The following NCOA7 variants were observed in gnomAD, a reference collection of about 807,000 sequenced individuals.
NCOA7 encodes the protein 140 kDa estrogen receptor-associated protein.
NCOA7 carries 45 observed loss-of-function variants against 104.3 expected under a neutral mutation model. The ratio of observed to expected loss-of-function variants is 0.43; its 90% CI spans 0.34 to 0.55. The LOEUF is 0.55. Among genes scored for constraint, NCOA7 ranks in the 20% least tolerant of loss-of-function variants. NCOA7 has a pLI of 0.02. For missense variants in NCOA7, 1,041 were observed against 1,119.7 expected (o/e 0.93, Z 1.00); for synonymous variants, 398 against 402.3 (o/e 0.99, Z 0.13).
intron 12 of NCOA7, among the ~76,000 whole-genome samples, chr6:125,922,430 A>G (rs1787664201): frequency 6.6e-6 from 1 of 152,220 alleles, no homozygotes; most frequent in Admixed American, 6.5e-5. Flanking sequence ...CTTCAAATAT[A>G]TAGCAGGATA....
intron 3 of NCOA7, among the ~76,000 whole-genome samples, chr6:125,865,703 G>T (rs1782392121): frequency 7.3e-6 from 1 of 136,666 alleles, no homozygotes; most frequent in Non-Finnish European, 1.6e-5. Context: ...TCTCTCTGTT[G>T]TCCAGGCTGG....
intron 2 of NCOA7, among the ~76,000 whole-genome samples, chr6:125,849,515 G>C (rs1160880556): frequency 1.3e-5 from 2 of 152,088 alleles, no homozygotes; most frequent in Admixed American, 1.3e-4. Context: ...TCTTATGTTA[G>C]CATTGCATTT....
In NCOA7 at chr6:125,889,120, G is replaced by A. The variant is rs1300315325; in HGVS notation, c.1066G>A (p.Gly356Arg). The part of the protein sequence containing the change: ...RPIVPLEKST[G>R]HTPTKPSGSS... ...AATAGTACCTTTGGAGAAGTCCACA[G>A]GACATACACCTACAAAGCCCTCAGG... The change falls in exon 9 of 16, where the codon GGA (glycine) becomes AGA (arginine). Residue 356 changes from glycine to arginine, a missense_variant. By Grantham distance (125) the Gly-to-Arg change is moderately radical. Coordinates refer to ENST00000392477, the MANE Select transcript of NCOA7 (RefSeq NM_181782.5). The A allele has an allele frequency of 3.1e-6, 5 of 1,614,096 alleles. No homozygotes were observed. Among genetic ancestry groups the A allele is most frequent in the South Asian group, 1.1e-5 (1 of 91,082 alleles).
intron 2 of NCOA7, among the ~76,000 whole-genome samples, chr6:125,836,564 G>T (rs1170476505): frequency 6.6e-6 from 1 of 152,046 alleles, no homozygotes; most frequent in African/African-American, 2.4e-5. Flanking sequence ...CTTCAAAACC[G>T]CCTTTAACTC....
At chr6:125,901,169 C>G (rs1166664480) in intron 10 of NCOA7, among the ~76,000 whole-genome samples, 1 of 152,174 alleles carries the variant, frequency 6.6e-6, no homozygotes, top group Non-Finnish European at 1.5e-5. Context: ...TTTACATGTC[C>G]TCTTTCAGTA....
rs1784156420 is a variant in NCOA7, at chr6:125,885,231, G to A, written c.772G>A (p.Val258Ile). The A allele has an allele frequency of 1.2e-6, 2 of 1,614,000 alleles. No homozygotes were observed. The highest frequency in any genetic ancestry group is 1.7e-6 in the Non-Finnish European group (2 of 1,179,936). The change falls in exon 8 of 16, where the codon GTT (valine) becomes ATT (isoleucine). Residue 258 changes from valine (V) to isoleucine (I), a missense_variant. This residue lies in a region of NCOA7 where 914 missense variants were observed against 942.7 expected (regional missense o/e 0.97). Transcript: ENST00000392477. ...MFDPHKSDPL[V>I]IENGCEEYGL... is the part of the protein sequence containing the mutation. ...TGACCCTCATAAATCTGATCCTCTG[G>A]TTATTGAAAATGGGTGTGAGGAGTA... is the stretch of plus-strand genomic sequence containing the variant.
intron 3 of NCOA7, among the ~76,000 whole-genome samples, chr6:125,871,397 CCCAG>C (rs1782887778): frequency 6.6e-6 from 1 of 152,226 alleles, no homozygotes; most frequent in East Asian, 1.9e-4. Flanking sequence ...TGCTGCAGCA[CCCAG>C]TCCCAGACAC....
rs1788438745 is a variant in NCOA7 at position 125,931,049 on chromosome 6, T to G, written c.*2278T>G. On this transcript the variant is annotated 3_prime_UTR_variant, in exon 16 of 16. Transcript: ENST00000392477. Reference sequence around the variant, plus strand: ...ATGTGTGACCCTTCATTTATGGATATTGACTATATGTAATGCAGTGCTATC... The same window carrying G: ...ATGTGTGACCCTTCATTTATGGATAGTGACTATATGTAATGCAGTGCTATC... 6.5e-6 allele frequency: 1 copy of G among 152,684 alleles called. No homozygotes were observed. Among genetic ancestry groups the G allele is most frequent in the Non-Finnish European group, 1.5e-5 (1 of 68,034 alleles). The allele number at this position is 152,684 out of a possible 1,614,324, so 9.5% of individuals were successfully genotyped here. A position where few individuals can be genotyped will look rare whatever the true frequency, so the allele number is the denominator to read the frequency against.
upstream of NCOA7, among the ~76,000 whole-genome samples, chr6:125,786,809 C>G (rs1774490210): frequency 6.6e-6 from 1 of 152,114 alleles, no homozygotes; most frequent in East Asian, 1.9e-4. Context: ...CTCCTGACCT[C>G]AAGTGATCCA....
At chr6:125,837,503 A>G (rs866078261) in intron 2 of NCOA7, among the ~76,000 whole-genome samples, 2 of 152,164 alleles carry the variant, frequency 1.3e-5, no homozygotes, top group African/African-American at 2.4e-5. Context: ...GACCTTTTAC[A>G]TGTCTCTCAG....
At chr6:125,789,745 T>G (rs1774656894), upstream of NCOA7, among the ~76,000 whole-genome samples, 1 of 152,238 alleles carries the variant, frequency 6.6e-6, no homozygotes, top group Admixed American at 6.5e-5. Flanking sequence ...AAGCCACCAC[T>G]GTTAACGCTT....
chr6:125,872,846 A>T (rs1783047464), intron 3 of NCOA7, among the ~76,000 whole-genome samples: 1 of 152,182 alleles, frequency 6.6e-6, no homozygotes, highest in South Asian at 2.1e-4. Context: ...GAAGTAATTT[A>T]GGTGTGGTTG....
intron 3 of NCOA7, among the ~76,000 whole-genome samples, chr6:125,865,205 C>G (rs1433895175): frequency 7.2e-6 from 1 of 138,896 alleles, no homozygotes; most frequent in Non-Finnish European, 1.5e-5. Flanking sequence ...ACCCTGCCCT[C>G]TTTGGCACCA....
Position 125,830,557 on chromosome 6 carries a change from G to C in NCOA7, c.50+15153G>C, listed in dbSNP as rs150000745. Among the ~76,000 whole-genome samples the C allele has an allele frequency of 2.3e-3, 354 of 152,194 alleles. 1 individual carries two copies. The highest frequency in any genetic ancestry group is 8.3e-3 in the African/African-American group (343 of 41,526). Reference sequence around the variant, plus strand: ...TTTTTTTAAATTACCAGGCATGGTGGTGAGTGCCTGTAGTCCCAGTTACTG... The same window carrying C: ...TTTTTTTAAATTACCAGGCATGGTGCTGAGTGCCTGTAGTCCCAGTTACTG... On this transcript the variant is annotated intron_variant, in intron 2 of 15. Transcript: ENST00000392477.
At chr6:125,917,995 T>A (rs1325422065) in intron 11 of NCOA7, among the ~76,000 whole-genome samples, 1 of 152,214 alleles carries the variant, frequency 6.6e-6, no homozygotes, top group Non-Finnish European at 1.5e-5. Context: ...AGTCTGCTCT[T>A]GTTTCCGACT....
intron 2 of NCOA7, among the ~76,000 whole-genome samples, chr6:125,823,895 G>A (rs1778421854): frequency 1.3e-5 from 2 of 152,062 alleles, no homozygotes; most frequent in Admixed American, 1.3e-4. Flanking sequence ...ATATCAGAAT[G>A]TGTTGTATGT....
chr6:125,848,652 G>A (rs190746925), intron 2 of NCOA7, among the ~76,000 whole-genome samples: 2 of 152,178 alleles, frequency 1.3e-5, no homozygotes, highest in Non-Finnish European at 2.9e-5. Flanking sequence ...GCCTGTCGGG[G>A]GGTGGTGGTT....
intron 2 of NCOA7, among the ~76,000 whole-genome samples, chr6:125,822,675 C>G (rs1004225555): frequency 6.6e-6 from 1 of 152,256 alleles, no homozygotes; most frequent in Admixed American, 6.5e-5. Flanking sequence ...TGGCCCATGC[C>G]TGTAGTCCCA....
At chr6:125,817,060 C>T (rs1777658001) in intron 2 of NCOA7, among the ~76,000 whole-genome samples, 1 of 152,208 alleles carries the variant, frequency 6.6e-6, no homozygotes, top group Non-Finnish European at 1.5e-5. Flanking sequence ...ACTCCCTTGA[C>T]ATCCCTCAAA....
Sources: allele counts gnomAD v4.1 joint callset (sites outside exome capture counted in the v4.1 genomes callset), GRCh38; gene constraint gnomAD v4.1.1; regional missense constraint gnomAD v4.1.1; transcripts MANE v1.5; gene names NCBI Gene and HGNC (gene_info 2026-07-23, HGNC 2026-07-21).